SV2C: variants seen among roughly 807,000 people sequenced by gnomAD.
The protein encoded by SV2C is solute carrier family 22 member B3.
SV2C carries 49 observed loss-of-function variants against 79.7 expected under a neutral mutation model. That is an observed-to-expected ratio of 0.61 (90% CI 0.49 to 0.78). The LOEUF (loss-of-function observed/expected upper bound fraction) is 0.78, where lower values mean the gene tolerates loss of function less well. Ranked by LOEUF, SV2C falls within the 30% of genes least tolerant of loss-of-function variation. SV2C has a pLI of 0.00. For missense variants in SV2C, 833 were observed against 912.9 expected, an observed-to-expected ratio of 0.91 and a Z score of 1.13; for synonymous variants, 334 against 333.2, an observed-to-expected ratio of 1.00 and a Z score of -0.03.
the SV2C span, among the ~76,000 whole-genome samples, chr5:76,075,048 T>C: frequency 6.6e-6 from 1 of 152,078 alleles, no homozygotes; most frequent in Non-Finnish European, 1.5e-5. Context: ...AAAGAGGAAA[T>C]GTATTACTAC....
chr5:76,042,555 G>T, the SV2C span, among the ~76,000 whole-genome samples: 1 of 152,078 alleles, frequency 6.6e-6, no homozygotes, highest in South Asian at 2.1e-4. Flanking sequence ...AGCATTCAGG[G>T]CCCTTTGGCA....
At chr5:76,318,512 A>G (rs1748714770) in intron 12 of SV2C, among the ~76,000 whole-genome samples, 1 of 152,168 alleles carries the variant, frequency 6.6e-6, no homozygotes, top group Non-Finnish European at 1.5e-5. Context: ...GCCACCATCC[A>G]GCTGCAGAGG....
intron 1 of SV2C, among the ~76,000 whole-genome samples, chr5:76,106,695 G>A (rs962921660): frequency 6.6e-6 from 1 of 152,232 alleles, no homozygotes; most frequent in South Asian, 2.1e-4. Context: ...CCTCTTGGAT[G>A]TCTCTTTCCT....
intron 4 of SV2C, among the ~76,000 whole-genome samples, chr5:76,273,021 A>G (rs1746919005): frequency 6.6e-6 from 1 of 151,748 alleles, no homozygotes; most frequent in South Asian, 2.1e-4. Context: ...TACAATGTCT[A>G]TTTATAGACT....
intron 1 of SV2C, among the ~76,000 whole-genome samples, chr5:76,094,439 CTTTTT>C (rs1038426451): frequency 6.6e-6 from 1 of 151,822 alleles, no homozygotes; most frequent in African/African-American, 2.4e-5. Context: ...TGTCTGTTTT[CTTTTT>C]TTTAACACCG....
the SV2C span, among the ~76,000 whole-genome samples, chr5:76,025,714 T>A: frequency 6.6e-6 from 1 of 152,182 alleles, no homozygotes; most frequent in Non-Finnish European, 1.5e-5. Context: ...ATGGTGACCA[T>A]GAGTTTCTGT....
At chr5:76,213,814 A>C (rs981990017) in intron 4 of SV2C, among the ~76,000 whole-genome samples, 1 of 152,158 alleles carries the variant, frequency 6.6e-6, no homozygotes, top group African/African-American at 2.4e-5. Flanking sequence ...TGAATATTAG[A>C]TCTCCAGAAC....
chr5:75,906,426 A>C, the SV2C span, among the ~76,000 whole-genome samples: 3 of 148,300 alleles, frequency 2.0e-5, no homozygotes, highest in African/African-American at 7.4e-5. Flanking sequence ...GGAGGTTTTC[A>C]TGTCTGCTTT....
intron 1 of SV2C, among the ~76,000 whole-genome samples, chr5:76,107,302 T>C (rs1435306844): frequency 2.0e-5 from 3 of 152,238 alleles, no homozygotes; most frequent in African/African-American, 7.2e-5. Context: ...TGAGAGCTTG[T>C]TGCTTTTGTG....
the SV2C span, among the ~76,000 whole-genome samples, chr5:76,046,558 G>A: frequency 1.3e-5 from 2 of 152,138 alleles, no homozygotes; most frequent in African/African-American, 4.8e-5. Flanking sequence ...ACCTCAAAAA[G>A]TTTTCCTACT....
chr5:75,947,806 G>C, the SV2C span, among the ~76,000 whole-genome samples: 1 of 151,494 alleles, frequency 6.6e-6, no homozygotes. Flanking sequence ...AATCACCCTC[G>C]GCATTATTGG....
At chr5:76,256,501 G>A (rs1299612652) in intron 4 of SV2C, among the ~76,000 whole-genome samples, 1 of 152,170 alleles carries the variant, frequency 6.6e-6, no homozygotes, top group Non-Finnish European at 1.5e-5. Context: ...CTGTTTCTGA[G>A]AACACCCTAG....
At chr5:76,037,928 C>T in the SV2C span, among the ~76,000 whole-genome samples, 6 of 152,192 alleles carry the variant, frequency 3.9e-5, no homozygotes, top group Admixed American at 1.3e-4. Context: ...AGCCAGGTGC[C>T]GGATATAATT....
At chr5:75,903,232 A>G in the SV2C span, among the ~76,000 whole-genome samples, 1 of 152,166 alleles carries the variant, frequency 6.6e-6, no homozygotes, top group South Asian at 2.1e-4. Context: ...AAGTATCCTT[A>G]GAGATTATTC....
the SV2C span, among the ~76,000 whole-genome samples, chr5:76,020,527 T>A: frequency 6.6e-6 from 1 of 152,170 alleles, no homozygotes; most frequent in African/African-American, 2.4e-5. Flanking sequence ...CGAGGGTAGC[T>A]CATCACCTGG....
the SV2C span, among the ~76,000 whole-genome samples, chr5:75,954,288 G>A: frequency 6.6e-6 from 1 of 152,052 alleles, no homozygotes; most frequent in East Asian, 1.9e-4. Context: ...GAAAATGGCA[G>A]GCTAAGTTGT....
chr5:75,984,585 ATCT>A, the SV2C span, among the ~76,000 whole-genome samples: 37 of 115,920 alleles, frequency 3.2e-4, no homozygotes, highest in African/African-American at 1.0e-3. Context: ...CTATCTATCT[ATCT>A]ATCTATCTAC....
At chr5:75,970,703 GTC>G in the SV2C span, among the ~76,000 whole-genome samples, 1 of 152,032 alleles carries the variant, frequency 6.6e-6, no homozygotes, top group Non-Finnish European at 1.5e-5. Context: ...ACCAAAAAAA[GTC>G]CAGGACCAGA....
chr5:76,262,813 C>T (rs186496928), intron 4 of SV2C, among the ~76,000 whole-genome samples: 2 of 142,628 alleles, frequency 1.4e-5, no homozygotes, highest in East Asian at 1.9e-4. Context: ...TTGTGATTTC[C>T]GTTCTTTTGC....
Sources: gnomAD v4.1 joint callset for allele counts (sites outside exome capture counted in the v4.1 genomes callset) on GRCh38, gnomAD v4.1.1 for gene constraint, MANE v1.5 for transcripts, NCBI Gene and HGNC (gene_info 2026-07-23, HGNC 2026-07-21) for gene names.